The following VASP variants were observed in gnomAD, a reference collection of about 807,000 sequenced individuals.
VASP encodes the protein vasodilator stimulated phosphoprotein.
A neutral mutation model predicts 54.4 loss-of-function variants in VASP; 27 were observed. The ratio of observed to expected loss-of-function variants is 0.50; its 90% CI spans 0.37 to 0.68. VASP has a LOEUF of 0.68. Among genes scored for constraint, VASP ranks in the 30% least tolerant of loss-of-function variants. The probability of loss-of-function intolerance (pLI) is 0.00; values close to 1 mark genes in which losing one functional copy is unlikely to be tolerated. For synonymous variants in VASP, 233 were observed against 209.8 expected, an observed-to-expected ratio of 1.11 and a Z score of -0.96; for missense variants, 488 against 528.3, an observed-to-expected ratio of 0.92 and a Z score of 0.75.
At chr19:45,522,014 C>T (rs1002629893) in intron 4 of VASP, among the ~76,000 whole-genome samples, 154 bp from the exon 5 acceptor site, 1 of 152,186 alleles carries the variant, frequency 6.6e-6, no homozygotes, top group Admixed American at 6.5e-5. Flanking sequence ...CTCACCCAGC[C>T]CCCTTCTTGG....
rs538772633 is a variant in VASP at position 45,526,813 on chromosome 19, T to G, written c.*636T>G. The G allele has an allele frequency of 6.6e-6, 1 of 152,138 alleles. No individual in the cohort carries two copies. Among genetic ancestry groups the G allele is most frequent in the Admixed American group, 6.6e-5 (1 of 15,256 alleles). The allele number at this position is 152,138 out of a possible 1,614,324, so 9.4% of individuals were successfully genotyped here. On this transcript the variant is annotated 3_prime_UTR_variant, in exon 13 of 13. Coordinates refer to ENST00000245932, the MANE Select transcript of VASP (RefSeq NM_003370.4). ...TGCTGTAACTTTTTGGAACCTCAGT[T>G]TTTTGATTTTTTATTTGGGTAGGTT...
intron 4 of VASP, 68 bp downstream of exon 4, chr19:45,521,474 C>A: frequency 7.3e-7 from 1 of 1,365,652 alleles, no homozygotes; most frequent in South Asian, 1.5e-5. Context: ...GAACCCTTGA[C>A]TCCTAGAGTT....
intron 1 of VASP, among the ~76,000 whole-genome samples, chr19:45,511,177 TGTATCATAGGTTTTATG>T (rs1309656187): frequency 6.6e-6 from 1 of 152,070 alleles, no homozygotes; most frequent in Non-Finnish European, 1.5e-5. Flanking sequence ...GTGGTGTATA[TGTATCATAGGTTTTATG>T]GTATAAGGAG....
At chr19:45,522,950 T>C (rs1968875415) in intron 7 of VASP, 132 bp downstream of exon 7, 1 of 977,626 alleles carries the variant, frequency 1.0e-6, no homozygotes, top group African/African-American at 1.7e-5. Flanking sequence ...AGGTTTGGGA[T>C]ATAATGGTGG....
intron 3 of VASP, among the ~76,000 whole-genome samples, chr19:45,521,117 C>G (rs1157498268): frequency 6.6e-6 from 1 of 152,248 alleles, no homozygotes; most frequent in Non-Finnish European, 1.5e-5. Flanking sequence ...ACAGCACCTA[C>G]CTTAGGGCAA....
rs1257458286 is a variant in VASP at position 45,519,460 on chromosome 19, A to ATTT, written c.343+1380_343+1382dup. On this transcript the variant is annotated intron_variant, in intron 3 of 12. Transcript: ENST00000245932. ...TGTCTGGCCACCTGGATCATTTCAAATTTTTTTTTTTTTTTTACTTTTTGT... is the reference window on the plus strand; with the variant it reads ...TGTCTGGCCACCTGGATCATTTCAAATTTTTTTTTTTTTTTTTTTACTTTTTGT... 1.4e-3 allele frequency among the ~76,000 whole-genome samples: 197 copies of ATTT among 140,692 alleles called. 1 individual carries two copies. The highest frequency in any genetic ancestry group is 8.4e-3 in the Admixed American group (119 of 14,088). 92.3% of individuals were successfully genotyped at this position (140,692 alleles called of 152,430 possible).
intron 7 of VASP, 83 bp downstream of exon 7, chr19:45,522,901 AGTTT>A (rs767753977): frequency 6.6e-6 from 9 of 1,373,826 alleles, no homozygotes; most frequent in Non-Finnish European, 8.9e-6. Flanking sequence ...ATTCCTGTTT[AGTTT>A]GTTTCTTTTG....
chr19:45,518,800 G>A, intron 3 of VASP, among the ~76,000 whole-genome samples: 1 of 152,064 alleles, frequency 6.6e-6, no homozygotes, highest in East Asian at 1.9e-4. Context: ...AAGTAGCTGG[G>A]AATACAGGTG....
intron 1 of VASP, 80 bp from the exon 2 acceptor site, chr19:45,517,581 CTG>C (rs1968730501): frequency 3.3e-6 from 5 of 1,525,732 alleles, no homozygotes; most frequent in Non-Finnish European, 4.4e-6. Flanking sequence ...CTTCCACACA[CTG>C]TCTTTGTCCC....
chr19:45,526,505 C>G lies in VASP; in HGVS notation c.*328C>G. On this transcript the variant is annotated 3_prime_UTR_variant, in exon 13 of 13. Transcript: ENST00000245932. ...GGAGGGAATTTCACATTCCCTTGTT[C>G]TAGATTCACTTTAACGCTTAATGCC... 1 of 254,264 alleles carries G rather than the reference C, an allele frequency of 3.9e-6. No homozygotes were observed. Among genetic ancestry groups the G allele is most frequent in the Non-Finnish European group, 7.4e-6 (1 of 134,406 alleles). The allele number at this position is 254,264 out of a possible 1,614,324, so 15.8% of individuals were successfully genotyped here. A position where few individuals can be genotyped will look rare whatever the true frequency, so the allele number is the denominator to read the frequency against.
intron 3 of VASP, among the ~76,000 whole-genome samples, 153 bp downstream of exon 3, chr19:45,518,247 C>T (rs990891901): frequency 4.6e-5 from 7 of 152,164 alleles, no homozygotes; most frequent in African/African-American, 1.7e-4. Context: ...TTGTGCATTC[C>T]AGTGTGACCG....
chr19:45,509,658 T>A (rs1404656157), intron 1 of VASP, among the ~76,000 whole-genome samples: 2 of 152,202 alleles, frequency 1.3e-5, no homozygotes, highest in East Asian at 3.8e-4. Flanking sequence ...ACCAGATGCC[T>A]GTCCCACCAA....
rs751960217 is a variant in VASP, at chr19:45,526,121, G to A, written c.1106-19G>A. The A allele has an allele frequency of 1.9e-6, 3 of 1,613,774 alleles. No individual in the cohort carries two copies. Among genetic ancestry groups the A allele is most frequent in the Admixed American group, 1.7e-5 (1 of 59,896 alleles). On this transcript the variant is annotated intron_variant, in intron 12 of 12. Transcript: ENST00000245932. ...GGCAGAGACTCTGCCCCTGACCTCTGCTCCTTGTTTCCTTCCAGCCTTCGT... is the reference window on the plus strand; with the variant it reads ...GGCAGAGACTCTGCCCCTGACCTCTACTCCTTGTTTCCTTCCAGCCTTCGT...
chr19:45,521,112 A>C (rs1409909104), intron 3 of VASP, among the ~76,000 whole-genome samples: 1 of 152,144 alleles, frequency 6.6e-6, no homozygotes, highest in Non-Finnish European at 1.5e-5. Flanking sequence ...TCACAACAGC[A>C]CCTACCTTAG....
chr19:45,522,146 G>T, intron 4 of VASP, 22 bp from the exon 5 acceptor site: 1 of 1,613,266 alleles, frequency 6.2e-7, no homozygotes, highest in Non-Finnish European at 8.5e-7. Flanking sequence ...ATTGACGGCA[G>T]CTCTCTCGCC....
At chr19:45,515,317 C>T (rs527878728) in intron 1 of VASP, among the ~76,000 whole-genome samples, 1 of 152,264 alleles carries the variant, frequency 6.6e-6, no homozygotes, top group East Asian at 1.9e-4. Context: ...GAGACCAGTG[C>T]TTCCCCTTCC....
At chr19:45,523,510 T>A in intron 7 of VASP, 134 bp from the exon 8 acceptor site, 1 of 1,027,174 alleles carries the variant, frequency 9.7e-7, no homozygotes, top group Admixed American at 2.6e-5. Flanking sequence ...TCTCTTGAAT[T>A]TCTAAAACTA....
chr19:45,511,678 G>A (rs1259177818), intron 1 of VASP, among the ~76,000 whole-genome samples: 2 of 152,138 alleles, frequency 1.3e-5, no homozygotes, highest in Admixed American at 1.3e-4. Context: ...TGGGATTTTC[G>A]TTCTGGCTTT....
Position 45,521,347 on chromosome 19 carries a change from A to G in VASP, c.369A>G (p.Ala123=). ...GAGGTGGGCCCCCTCCACCCCCAGC[A>G]CTTCCCACCTGGTCGGTCCCGAACG... is the stretch of plus-strand genomic sequence containing the variant. ...LEGGGPPPPP[A]LPTWSVPNGP... The change falls in exon 4 of 13, where the codon GCA becomes GCG. Residue 123 remains alanine, a synonymous_variant. Coordinates refer to ENST00000245932, the MANE Select transcript of VASP (RefSeq NM_003370.4). The G allele has an allele frequency of 6.3e-7, 1 of 1,582,184 alleles. No homozygotes were observed. The highest frequency in any genetic ancestry group is 8.6e-7 in the Non-Finnish European group (1 of 1,164,256).
Sources: allele counts gnomAD v4.1 joint callset (sites outside exome capture counted in the v4.1 genomes callset), GRCh38; gene constraint gnomAD v4.1.1; transcripts MANE v1.5; gene names NCBI Gene and HGNC (gene_info 2026-07-23, HGNC 2026-07-21).